TPGS2: variants seen among roughly 807,000 people sequenced by gnomAD.
The protein encoded by TPGS2 is polyglutamylase subunit 2.
TPGS2 carries 26 observed loss-of-function variants against 31.1 expected under a neutral mutation model. That is an observed-to-expected ratio of 0.84 (90% CI 0.61 to 1.16). The LOEUF (loss-of-function observed/expected upper bound fraction) is 1.16, where lower values mean the gene tolerates loss of function less well. Among genes scored for constraint, TPGS2 ranks in the 50% most tolerant of loss-of-function variants. The pLI, the probability that TPGS2 is intolerant of heterozygous loss-of-function variation, is 0.00. For missense variants in TPGS2, 351 were observed against 363.8 expected, an observed-to-expected ratio of 0.96 and a Z score of 0.29; for synonymous variants, 130 against 136.6, an observed-to-expected ratio of 0.95 and a Z score of 0.34.
downstream of TPGS2, among the ~76,000 whole-genome samples, chr18:36,782,644 G>A (rs568537780): frequency 3.2e-4 from 48 of 152,170 alleles, no homozygotes; most frequent in African/African-American, 1.1e-3. Flanking sequence ...TGAGAACTTC[G>A]CAAAACCAGT....
intron 5 of TPGS2, among the ~76,000 whole-genome samples, chr18:36,799,912 A>C (rs183276257): frequency 9.2e-5 from 14 of 152,338 alleles, no homozygotes; most frequent in Admixed American, 7.2e-4. Flanking sequence ...TTGCTGTAGG[A>C]GTCTATTAAC....
rs919277214 is a variant in TPGS2 at position 36,823,460 on chromosome 18, GT to G, written c.86-4488del. ...TCTCTGACTTCCTTGTTAACAGCTT[GT>G]TTTTTTTTTTTTTTTTTGAGACGGA... is the stretch of plus-strand genomic sequence containing the variant. On this transcript the variant is annotated intron_variant, in intron 1 of 6. Coordinates refer to ENST00000334295, the MANE Select transcript of TPGS2 (RefSeq NM_015476.4). Among the ~76,000 whole-genome samples, 191 of 108,086 alleles carry G rather than the reference GT, an allele frequency of 1.8e-3. 3 individuals are homozygous for G. The highest frequency in any genetic ancestry group is 4.5e-3 in the African/African-American group (118 of 26,126). The allele number at this position is 108,086 out of a possible 152,430, so 70.9% of individuals were successfully genotyped here.
At chr18:36,781,963 C>A (rs568520366), downstream of TPGS2, 6 of 980,912 alleles carry the variant, frequency 6.1e-6, no homozygotes, top group Admixed American at 3.7e-4. Flanking sequence ...AGTCATTTTC[C>A]ATATGCTTCT....
At chr18:36,783,760 G>A (rs1207576371) in intron 6 of TPGS2, among the ~76,000 whole-genome samples, 2 of 152,196 alleles carry the variant, frequency 1.3e-5, no homozygotes, top group Non-Finnish European at 2.9e-5. Flanking sequence ...AAATACCACT[G>A]TAACAGGTTG....
chr18:36,797,109 G>A, intron 6 of TPGS2, 59 bp from the exon 7 acceptor site: 1 of 1,584,848 alleles, frequency 6.3e-7, no homozygotes, highest in South Asian at 1.2e-5. Flanking sequence ...CATTCTGTGT[G>A]CTCTTTTTGT....
rs1016155760 is a variant in TPGS2, at chr18:36,796,248, G to C, written c.*557C>G. On this transcript the variant is annotated 3_prime_UTR_variant, in exon 7 of 7. Coordinates refer to ENST00000334295, the MANE Select transcript of TPGS2 (RefSeq NM_015476.4). ...AAAATTAATTGAGGAAGAGCAGTATGAAAATATTCTAATGCAGTGCTGTCC... is the reference window on the plus strand; with the variant it reads ...AAAATTAATTGAGGAAGAGCAGTATCAAAATATTCTAATGCAGTGCTGTCC... The C allele has an allele frequency of 3.6e-5, 35 of 985,476 alleles. No homozygotes were observed. Among genetic ancestry groups the C allele is most frequent in the Non-Finnish European group, 4.2e-5 (35 of 829,954 alleles). 61.0% of individuals were successfully genotyped at this position (985,476 alleles called of 1,614,324 possible). A position where few individuals can be genotyped will look rare whatever the true frequency, so the allele number is the denominator to read the frequency against.
downstream of TPGS2, chr18:36,780,038 T>C: frequency 1.2e-6 from 1 of 801,848 alleles, no homozygotes; most frequent in Non-Finnish European, 1.7e-6. Context: ...AAATACTAAA[T>C]AAATAGAGTT....
intron 4 of TPGS2, among the ~76,000 whole-genome samples, chr18:36,803,039 C>G (rs1175966070): frequency 6.6e-6 from 1 of 151,892 alleles, no homozygotes; most frequent in African/African-American, 2.4e-5. Flanking sequence ...TGATGGAGAA[C>G]AACACGCTAT....
chr18:36,794,027 C>T (rs557247263), downstream of TPGS2: 3 of 159,700 alleles, frequency 1.9e-5, no homozygotes, highest in African/African-American at 7.2e-5. Context: ...AGGCGTGAGC[C>T]ACCGTGCCTG....
intron 2 of TPGS2, among the ~76,000 whole-genome samples, chr18:36,817,325 C>T (rs1043385409): frequency 3.9e-5 from 6 of 152,078 alleles, no homozygotes; most frequent in Middle Eastern, 3.2e-3. Context: ...CAGAGGGGCA[C>T]GCTGGTAGAG....
chr18:36,798,193 C>A, intron 6 of TPGS2: 10 of 1,323,078 alleles, frequency 7.6e-6, no homozygotes, highest in Non-Finnish European at 9.7e-6. Context: ...CATAAACTAT[C>A]CAACAGAATT....
chr18:36,784,187 CA>C (rs1251421012), intron 6 of TPGS2, among the ~76,000 whole-genome samples: 1 of 152,222 alleles, frequency 6.6e-6, no homozygotes, highest in African/African-American at 2.4e-5. Context: ...TATAAACCAC[CA>C]AGCTTGTGGT....
At chr18:36,797,117 T>G in intron 6 of TPGS2, 67 bp from the exon 7 acceptor site, 1 of 1,580,916 alleles carries the variant, frequency 6.3e-7, no homozygotes, top group Non-Finnish European at 8.5e-7. Flanking sequence ...GTGCTCTTTT[T>G]GTGGGATGCA....
At chr18:36,780,332 C>T, downstream of TPGS2, 1 of 596,818 alleles carries the variant, frequency 1.7e-6, no homozygotes, top group Non-Finnish European at 2.4e-6. Flanking sequence ...TTGTTTTGCC[C>T]CATCCTGATA....
intron 6 of TPGS2, 114 bp from the exon 7 acceptor site, chr18:36,797,164 T>G (rs890291336): frequency 1.9e-6 from 3 of 1,543,822 alleles, no homozygotes; most frequent in Admixed American, 4.7e-5. Context: ...TACATTTTCA[T>G]GAAAAACTGC....
At chr18:36,787,123 T>C in intron 6 of TPGS2, 1 of 1,232,328 alleles carries the variant, frequency 8.1e-7, no homozygotes, top group Non-Finnish European at 1.0e-6. Flanking sequence ...TGGTTCAGAA[T>C]TTAAAGATAT....
At chr18:36,819,055 T>C (rs2045785276) in intron 1 of TPGS2, 82 bp from the exon 2 acceptor site, 1 of 1,121,782 alleles carries the variant, frequency 8.9e-7, no homozygotes, top group African/African-American at 1.5e-5. Flanking sequence ...TAACTGTTGA[T>C]GACTGCTCTT....
chr18:36,787,152 A>G, intron 6 of TPGS2: 1 of 1,231,148 alleles, frequency 8.1e-7, no homozygotes, highest in Non-Finnish European at 1.0e-6. Context: ...CATGCATAGC[A>G]TGTTACAGGT....
At position 36,796,035 on chromosome 18, in the gene TPGS2, AAC is replaced by A. The variant is rs1457591868; in HGVS notation, c.*768_*769del. The A allele has an allele frequency of 1.2e-5, 12 of 985,388 alleles. No individual in the cohort carries two copies. The highest frequency in any genetic ancestry group is 6.1e-5 in the Admixed American group (1 of 16,276). The allele number at this position is 985,388 out of a possible 1,614,324, so 61.0% of individuals were successfully genotyped here. On this transcript the variant is annotated 3_prime_UTR_variant, in exon 7 of 7. Coordinates refer to ENST00000334295, the MANE Select transcript of TPGS2 (RefSeq NM_015476.4). ...ATTGTGGAACGTGTACAAACATCAT[AAC>A]ACAAAACTGGAAGCAAGAAACTTCA...
Sources: gnomAD v4.1 joint callset for allele counts (sites outside exome capture counted in the v4.1 genomes callset) on GRCh38, gnomAD v4.1.1 for gene constraint, MANE v1.5 for transcripts, NCBI Gene and HGNC (gene_info 2026-07-23, HGNC 2026-07-21) for gene names.